Variants in UBE2N observed in about 807,000 individuals in gnomAD.
The protein encoded by UBE2N is ubiquitin-conjugating enzyme E2 N.
For synonymous variants in UBE2N, 70 were observed against 69.2 expected, an observed-to-expected ratio of 1.01 and a Z score of -0.06; for missense variants, 60 against 192.1, an observed-to-expected ratio of 0.31 and a Z score of 4.07.
intron 1 of UBE2N, among the ~76,000 whole-genome samples, chr12:93,413,933 G>A (rs551840728): frequency 7.2e-5 from 11 of 152,222 alleles, no homozygotes; most frequent in Admixed American, 5.2e-4. Flanking sequence ...AGGCCGAGGC[G>A]GGTGGATCAC....
chr12:93,420,062 C>A (rs1469190085), intron 1 of UBE2N, among the ~76,000 whole-genome samples: 1 of 152,160 alleles, frequency 6.6e-6, no homozygotes, highest in East Asian at 1.9e-4. Flanking sequence ...TCTACTCCCA[C>A]ATATTTAAAT....
At chr12:93,424,832 C>T (rs1878530681) in intron 1 of UBE2N, among the ~76,000 whole-genome samples, 1 of 152,148 alleles carries the variant, frequency 6.6e-6, no homozygotes, top group African/African-American at 2.4e-5. Context: ...CCAAAACATC[C>T]CATTTTGCTA....
At chr12:93,430,367 A>G (rs181855052) in intron 1 of UBE2N, among the ~76,000 whole-genome samples, 12 of 152,320 alleles carry the variant, frequency 7.9e-5, no homozygotes, top group Non-Finnish European at 4.4e-5. Context: ...ATTTCTCAGA[A>G]AGTAACTCCA....
At chr12:93,439,718 C>A (rs1414067830) in intron 1 of UBE2N, among the ~76,000 whole-genome samples, 1 of 152,076 alleles carries the variant, frequency 6.6e-6, no homozygotes, top group African/African-American at 2.4e-5. Context: ...AGCATGGACA[C>A]TTTTAAAAAT....
chr12:93,430,947 A>G (rs1013435187), intron 1 of UBE2N, among the ~76,000 whole-genome samples: 20 of 149,664 alleles, frequency 1.3e-4, no homozygotes, highest in African/African-American at 4.7e-4. Flanking sequence ...AAAAAAACAC[A>G]GCCAAGCGCA....
At chr12:93,425,758 C>G (rs1215329123) in intron 1 of UBE2N, among the ~76,000 whole-genome samples, 2 of 152,212 alleles carry the variant, frequency 1.3e-5, no homozygotes, top group Admixed American at 6.5e-5. Context: ...CTATTTCACA[C>G]GTCTGTCCAA....
chr12:93,433,051 G>A (rs569143015), intron 1 of UBE2N, among the ~76,000 whole-genome samples: 1 of 149,828 alleles, frequency 6.7e-6, no homozygotes, highest in Non-Finnish European at 1.5e-5. Flanking sequence ...TCCTGCCTCA[G>A]CCTCCCGACT....
At chr12:93,438,822 G>A (rs1879013254) in intron 1 of UBE2N, among the ~76,000 whole-genome samples, 2 of 152,138 alleles carry the variant, frequency 1.3e-5, no homozygotes, top group South Asian at 4.1e-4. Context: ...TTAGATACAG[G>A]AATCTAAATG....
At chr12:93,438,169 C>T (rs1189384609) in intron 1 of UBE2N, among the ~76,000 whole-genome samples, 3 of 152,072 alleles carry the variant, frequency 2.0e-5, no homozygotes, top group Admixed American at 6.6e-5. Flanking sequence ...GGTCTAGGCA[C>T]GAATGAGCAA....
At chr12:93,435,983 G>A (rs570218925) in intron 1 of UBE2N, among the ~76,000 whole-genome samples, 6 of 152,284 alleles carry the variant, frequency 3.9e-5, no homozygotes, top group African/African-American at 7.2e-5. Context: ...TAAATTCTGC[G>A]AAAGACTGGT....
At chr12:93,411,438 C>A (rs1408198698) in intron 1 of UBE2N, 139 bp from the exon 2 acceptor site, 3 of 1,190,982 alleles carry the variant, frequency 2.5e-6, no homozygotes, top group African/African-American at 1.5e-5. Context: ...TTATAAAATG[C>A]AAAATTCAAA....
intron 1 of UBE2N, among the ~76,000 whole-genome samples, chr12:93,425,969 C>T (rs986223676): frequency 1.3e-5 from 2 of 152,170 alleles, no homozygotes; most frequent in African/African-American, 4.8e-5. Flanking sequence ...TTTCCCCTAC[C>T]TCAAGGTTTT....
intron 1 of UBE2N, among the ~76,000 whole-genome samples, chr12:93,428,374 G>A (rs1342666991): frequency 6.6e-6 from 1 of 152,130 alleles, no homozygotes; most frequent in East Asian, 1.9e-4. Flanking sequence ...TATCTCCTGG[G>A]TCTGGTATGT....
chr12:93,430,665 C>T (rs1878734857), intron 1 of UBE2N, among the ~76,000 whole-genome samples: 1 of 151,664 alleles, frequency 6.6e-6, no homozygotes, highest in South Asian at 2.1e-4. Flanking sequence ...GTAATCCCAA[C>T]ACTGTGGGAG....
rs541357010 is a variant in UBE2N at position 93,413,792 on chromosome 12, A to G, written c.31-2493T>C. On this transcript the variant is annotated intron_variant, in intron 1 of 3. Transcript: ENST00000318066. ...CAGCTCTGACCTGGCATACTACAAC[A>G]GCCTCCTAACCTGTTCTTCCTGCTT... 2.6e-5 allele frequency among the ~76,000 whole-genome samples: 4 copies of G among 152,282 alleles called. No homozygotes were observed. In the South Asian group the frequency reaches 8.3e-4, roughly 32 times the overall value.
chr12:93,410,009 A>T lies in UBE2N; in HGVS notation c.*30T>A. On this transcript the variant is annotated 3_prime_UTR_variant, in exon 4 of 4. Coordinates refer to ENST00000318066, the MANE Select transcript of UBE2N (RefSeq NM_003348.4). Reference sequence around the variant, plus strand: ...GGAGGAAGTCTTGGCAGAACAGGAGAAGTGATGCACACTTGATGATCGTAT... The same window carrying T: ...GGAGGAAGTCTTGGCAGAACAGGAGTAGTGATGCACACTTGATGATCGTAT... The T allele has an allele frequency of 6.2e-7, 1 of 1,609,348 alleles. No individual in the cohort carries two copies. The highest frequency in any genetic ancestry group is 8.5e-7 in the Non-Finnish European group (1 of 1,176,704).
At chr12:93,429,304 T>C in intron 1 of UBE2N, 1 of 419,632 alleles carries the variant, frequency 2.4e-6, no homozygotes, top group East Asian at 7.3e-5. Context: ...AACACAAAAC[T>C]CAACTTGATA....
chr12:93,427,696 T>C (rs1279972813), intron 1 of UBE2N, among the ~76,000 whole-genome samples: 1 of 152,122 alleles, frequency 6.6e-6, no homozygotes, highest in Admixed American at 6.5e-5. Context: ...TGTGAATACA[T>C]GAAAAAACCA....
Position 93,406,592 on chromosome 12 carries a change from A to T in UBE2N, c.*3447T>A, listed in dbSNP as rs189893472. ...GGGTTCCACTTCCGTGGATTCAAAC[A>T]ACCAGACAAAATATTCCAAAAAACA... On this transcript the variant is annotated 3_prime_UTR_variant, in exon 4 of 4. Coordinates refer to ENST00000318066, the MANE Select transcript of UBE2N (RefSeq NM_003348.4). 18 of 152,382 alleles carry T rather than the reference A, an allele frequency of 1.2e-4. No homozygotes were observed. Among genetic ancestry groups the T allele is most frequent in the African/African-American group, 4.1e-4 (17 of 41,578 alleles). The allele number at this position is 152,382 out of a possible 1,614,324, so 9.4% of individuals were successfully genotyped here. A position where few individuals can be genotyped will look rare whatever the true frequency, so the allele number is the denominator to read the frequency against.
Sources: allele counts gnomAD v4.1 joint callset (sites outside exome capture counted in the v4.1 genomes callset), GRCh38; gene constraint gnomAD v4.1.1; transcripts MANE v1.5; gene names NCBI Gene and HGNC (gene_info 2026-07-23, HGNC 2026-07-21).